CHST13: variants seen among roughly 807,000 people sequenced by gnomAD.
CHST13 encodes the protein C4ST-3.
Under a neutral mutation model 7.0 loss-of-function variants are expected in CHST13, and 1 was observed. That is an observed-to-expected ratio of 0.14 (90% confidence interval 0.05 to 0.68). The LOEUF is 0.68. Ranked by LOEUF, CHST13 falls within the 30% of genes least tolerant of loss-of-function variation. The probability of loss-of-function intolerance (pLI) is 0.82; values close to 1 mark genes in which losing one functional copy is unlikely to be tolerated. For missense variants in CHST13, 572 were observed against 507.9 expected, an observed-to-expected ratio of 1.13 and a Z score of -1.21; for synonymous variants, 257 against 240.9, an observed-to-expected ratio of 1.07 and a Z score of -0.62.
chr3:126,529,146 G>A (rs1466428179), intron 1 of CHST13: 12 of 383,308 alleles, frequency 3.1e-5, no homozygotes, highest in Non-Finnish European at 4.2e-5. Context: ...CACAGGGCGC[G>A]AGCCCTGCTT....
At chr3:126,529,240 G>T in intron 1 of CHST13, 2 of 1,078,792 alleles carry the variant, frequency 1.9e-6, no homozygotes, top group Non-Finnish European at 2.5e-6. Context: ...ATCTTGATTG[G>T]CAGAGGAGGC....
At position 126,542,035 on chromosome 3, in the gene CHST13, C is replaced by A. The variant is rs765934770; in HGVS notation, c.483C>A (p.Asn161Lys). Residue 161 changes from asparagine to lysine, a missense_variant, in exon 3 of 3, where the codon AAC (asparagine) becomes AAA (lysine). Asn to Lys is a moderately conservative substitution (Grantham distance 94, BLOSUM62 0). Transcript: ENST00000319340. ...CCGACTTCAGCCCCGCCGAGATCAA[C>A]CGGCGCCTGCGCGCCTACTTGGCCT... ...SLADFSPAEI[N>K]RRLRAYLAFL... 43 of 1,573,282 alleles carry A rather than the reference C, an allele frequency of 2.7e-5. No homozygotes were observed. The East Asian group carries it at 8.2e-4, about 30-fold the overall frequency.
intron 1 of CHST13, among the ~76,000 whole-genome samples, chr3:126,525,187 G>A (rs1936512837): frequency 6.6e-6 from 1 of 152,110 alleles, no homozygotes; most frequent in Non-Finnish European, 1.5e-5. Flanking sequence ...CTGACCTCAG[G>A]GCTGTTTGCC....
intron 2 of CHST13, among the ~76,000 whole-genome samples, chr3:126,539,901 C>CCA (rs1936913163): frequency 9.5e-4 from 1 of 1,054 alleles, no homozygotes; most frequent in Admixed American, 0.012. Context: ...CACACATACA[C>CCA]CATACATACA....
intron 2 of CHST13, among the ~76,000 whole-genome samples, chr3:126,539,004 C>G (rs1342647163): frequency 6.6e-6 from 1 of 152,176 alleles, no homozygotes; most frequent in African/African-American, 2.4e-5. Flanking sequence ...CAGACATGCT[C>G]TAGGCGTGTA....
intron 1 of CHST13, among the ~76,000 whole-genome samples, chr3:126,524,830 T>G (rs1445872887): frequency 1.3e-5 from 2 of 152,182 alleles, no homozygotes; most frequent in Non-Finnish European, 2.9e-5. Context: ...GAGGGGAAGC[T>G]TGGGCCACTC....
chr3:126,528,154 C>A (rs1318193709), intron 1 of CHST13, among the ~76,000 whole-genome samples: 1 of 151,236 alleles, frequency 6.6e-6, no homozygotes, highest in Non-Finnish European at 1.5e-5. Flanking sequence ...GGCTCTGGGT[C>A]CTTGAGAGAG....
intron 1 of CHST13, among the ~76,000 whole-genome samples, chr3:126,526,323 C>A (rs986361687): frequency 6.6e-6 from 1 of 152,226 alleles, no homozygotes; most frequent in Non-Finnish European, 1.5e-5. Context: ...GCATCCCCTG[C>A]CCTTGGCCTC....
intron 2 of CHST13, 117 bp downstream of exon 2, chr3:126,536,470 C>T: frequency 2.8e-6 from 2 of 725,342 alleles, no homozygotes; most frequent in Non-Finnish European, 2.3e-6. Context: ...CACAGAAGGG[C>T]ATCCTCCCCA....
At chr3:126,541,552 C>G (rs1936956272) in intron 2 of CHST13, among the ~76,000 whole-genome samples, 181 bp from the exon 3 acceptor site, 1 of 152,208 alleles carries the variant, frequency 6.6e-6, no homozygotes, top group Non-Finnish European at 1.5e-5. Flanking sequence ...AATCTCGGCC[C>G]AGGACAGATG....
intron 1 of CHST13, among the ~76,000 whole-genome samples, chr3:126,532,287 T>A (rs1157012951): frequency 1.3e-5 from 2 of 152,220 alleles, no homozygotes; most frequent in African/African-American, 4.8e-5. Flanking sequence ...AATTTATCTA[T>A]TTTTTAAAAT....
intron 1 of CHST13, among the ~76,000 whole-genome samples, chr3:126,525,936 TG>T (rs781190107): frequency 3.3e-5 from 5 of 152,150 alleles, no homozygotes; most frequent in Non-Finnish European, 5.9e-5. Context: ...CTGCAGAGCC[TG>T]GGAAGAGACA....
chr3:126,529,344 C>G (rs751729882), intron 1 of CHST13: 1 of 1,289,328 alleles, frequency 7.8e-7, no homozygotes, highest in South Asian at 1.2e-5. Flanking sequence ...GGTATTTCCT[C>G]ATGGGTCAGT....
In CHST13 at chr3:126,542,318, C is replaced by T. The variant is rs1204333832; in HGVS notation, c.766C>T (p.Pro256Ser). The T allele has an allele frequency of 5.1e-6, 8 of 1,568,906 alleles. No homozygotes were observed. The highest frequency in any genetic ancestry group is 6.0e-6 in the Non-Finnish European group (7 of 1,160,818). ...HWERAHALCH[P>S]CRLRYDVVGK... ...GGAGCGCGCGCACGCGCTCTGCCAC[C>T]CGTGTCGCCTCCGCTACGACGTCGT... The change falls in exon 3 of 3, where the codon CCG becomes TCG. Residue 256 changes from proline (P) to serine (S), a missense_variant. Transcript: ENST00000319340.
intron 1 of CHST13, among the ~76,000 whole-genome samples, chr3:126,524,670 T>C (rs1305776208): frequency 1.3e-5 from 2 of 152,092 alleles, no homozygotes; most frequent in Non-Finnish European, 2.9e-5. Context: ...CTGTTTTGAG[T>C]CCCACAGCCG....
rs146088399 is a variant in CHST13 at position 126,534,475 on chromosome 3, A to G, written c.98-1796A>G. On this transcript the variant is annotated intron_variant, in intron 1 of 2. Coordinates refer to ENST00000319340, the MANE Select transcript of CHST13 (RefSeq NM_152889.3). ...CCCTGTCCCCACCCAGGAGACAGAC[A>G]GACAGCATCCTTGTCCTCAGCTAGC... Among the ~76,000 whole-genome samples the G allele has an allele frequency of 5.9e-4, 89 of 151,546 alleles. 1 individual carries two copies. In the East Asian group the frequency reaches 0.016, roughly 27 times the overall value.
chr3:126,529,129 C>T (rs921607445), intron 1 of CHST13: 8 of 419,086 alleles, frequency 1.9e-5, no homozygotes, highest in Admixed American at 5.3e-5. Context: ...GCTGTGCCCT[C>T]ACCCTGCACA....
rs1357949560 is a variant in CHST13 at position 126,529,415 on chromosome 3, C to T, written c.97+4986C>T. On this transcript the variant is annotated intron_variant, in intron 1 of 2. Coordinates refer to ENST00000319340, the MANE Select transcript of CHST13 (RefSeq NM_152889.3). ...GGGGACAGGTGTCAGGACAAGGGGG[C>T]ACCCAGAGGCAGGGCAGCATGGGTG... 3.1e-6 allele frequency: 4 copies of T among 1,287,218 alleles called. No homozygotes were observed. The African/African-American group carries it at 4.6e-5, about 15-fold the overall frequency. 79.7% of individuals were successfully genotyped at this position (1,287,218 alleles called of 1,614,324 possible).
intron 2 of CHST13, among the ~76,000 whole-genome samples, chr3:126,539,065 C>T (rs984288028): frequency 6.6e-6 from 1 of 152,114 alleles, no homozygotes; most frequent in Non-Finnish European, 1.5e-5. Flanking sequence ...TTGAGAATCT[C>T]ACCTACAGGC....
Sources: allele counts gnomAD v4.1 joint callset (sites outside exome capture counted in the v4.1 genomes callset), GRCh38; gene constraint gnomAD v4.1.1; transcripts MANE v1.5; gene names NCBI Gene and HGNC (gene_info 2026-07-23, HGNC 2026-07-21).